The following SECISBP2L variants were observed in gnomAD, a reference collection of about 807,000 sequenced individuals.
SECISBP2L encodes selenocysteine insertion sequence-binding protein 2-like.
In SECISBP2L, 43 loss-of-function variants were observed where a neutral mutation model predicts 114.7. That is an observed-to-expected ratio of 0.38 (90% CI 0.29 to 0.48). SECISBP2L has a LOEUF of 0.48. Among genes scored for constraint, SECISBP2L ranks in the 20% least tolerant of loss-of-function variants. The pLI, the probability that SECISBP2L is intolerant of heterozygous loss-of-function variation, is 0.98. For synonymous variants in SECISBP2L, 451 were observed against 439.7 expected (o/e 1.03, Z -0.32); for missense variants, 1,136 against 1,301.1 (o/e 0.87, Z 1.95).
intron 13 of SECISBP2L, among the ~76,000 whole-genome samples, 185 bp from the exon 14 acceptor site, chr15:49,009,563 T>G (rs1343939913): frequency 6.6e-6 from 1 of 152,230 alleles, no homozygotes; most frequent in South Asian, 2.1e-4. Flanking sequence ...AAAATTAAAT[T>G]CTCCTATTGT....
Position 49,027,382 on chromosome 15 carries a change from G to T in SECISBP2L, c.1018C>A (p.Gln340Lys). The stretch of plus-strand genomic sequence containing the variant: ...CGAATTACCTGTGAATTATTTCTTT[G>T]TTCAGTTTGCCTTCCACCTCTAGAA... Reference protein sequence around the residue: ...TFSRGGRQTEQRNNSQVGFRC... With the variant: ...TFSRGGRQTEKRNNSQVGFRC... The change falls in exon 7 of 18, where the codon CAA becomes AAA. Residue 340 changes from glutamine to lysine, a missense_variant. By Grantham distance (53) the Gln-to-Lys change is moderately conservative. Transcript: ENST00000559471. The T allele has an allele frequency of 6.2e-7, 1 of 1,609,054 alleles. No individual in the cohort carries two copies. The highest frequency in any genetic ancestry group is 8.5e-7 in the Non-Finnish European group (1 of 1,176,794).
chr15:49,045,186 A>T (rs933742541), intron 1 of SECISBP2L, among the ~76,000 whole-genome samples: 16 of 151,700 alleles, frequency 1.1e-4, no homozygotes, highest in Admixed American at 2.0e-4. Context: ...CTTTTTTTTA[A>T]AAAAAAAAGT....
Position 48,996,360 on chromosome 15 carries a change from A to G in SECISBP2L, c.2623+7T>C. On this transcript the variant is annotated splice_region_variant and intron_variant, in intron 17 of 17. Transcript: ENST00000559471. The stretch of plus-strand genomic sequence containing the variant: ...TAAGTCATTTAAAATAGTATTCAAC[A>G]ACTTACCATATTCCTTTTCATTTAC... The G allele has an allele frequency of 1.2e-6, 2 of 1,610,898 alleles. No individual in the cohort carries two copies. The highest frequency in any genetic ancestry group is 1.7e-6 in the Non-Finnish European group (2 of 1,177,364).
At chr15:49,042,795 C>T (rs966057107) in intron 1 of SECISBP2L, among the ~76,000 whole-genome samples, 33 of 152,052 alleles carry the variant, frequency 2.2e-4, no homozygotes, top group African/African-American at 3.4e-4. Context: ...TTTGGGAGGC[C>T]GACGTGGGTG....
In SECISBP2L at chr15:48,991,679, C is replaced by G. The variant is rs1442055020; in HGVS notation, c.*565G>C. On this transcript the variant is annotated 3_prime_UTR_variant, in exon 18 of 18. Transcript: ENST00000559471. ...TTTTGAAGGCTCTGTTTTAGCCCAT[C>G]CCAACACTAATTAATTACAATAATC... The G allele has an allele frequency of 1.3e-5, 2 of 152,590 alleles. No homozygotes were observed. Among genetic ancestry groups the G allele is most frequent in the Non-Finnish European group, 2.9e-5 (2 of 68,278 alleles). 9.5% of individuals were successfully genotyped at this position (152,590 alleles called of 1,614,324 possible). A position where few individuals can be genotyped will look rare whatever the true frequency, so the allele number is the denominator to read the frequency against.
chr15:49,009,706 C>G (rs1188118873), intron 13 of SECISBP2L, among the ~76,000 whole-genome samples: 1 of 151,630 alleles, frequency 6.6e-6, no homozygotes, highest in South Asian at 2.1e-4. Flanking sequence ...AGACTTCCAT[C>G]TCTTTAAAAA....
chr15:49,044,151 C>G (rs1030720046), intron 1 of SECISBP2L, among the ~76,000 whole-genome samples: 1 of 151,904 alleles, frequency 6.6e-6, no homozygotes, highest in Non-Finnish European at 1.5e-5. Flanking sequence ...TATGTCAACA[C>G]TGGTCTAAAG....
rs777088259 is a variant in SECISBP2L at position 49,037,611 on chromosome 15, C to A, written c.183G>T (p.Val61=). ...ATTACCTATTGGACTGGTTTTCCTGCACAAATGGGTAACAAGTAATCAGGT... is the reference window on the plus strand; with the variant it reads ...ATTACCTATTGGACTGGTTTTCCTGAACAAATGGGTAACAAGTAATCAGGT... ...PSYLITCYPF[V]QENQSNRQFP... The change falls in exon 2 of 18, where the codon GTG becomes GTT. Residue 61 remains valine (V), a synonymous_variant. Coordinates refer to ENST00000559471, the MANE Select transcript of SECISBP2L (RefSeq NM_001193489.2). 6 of 1,613,376 alleles carry A rather than the reference C, an allele frequency of 3.7e-6. No individual in the cohort carries two copies. Among genetic ancestry groups the A allele is most frequent in the African/African-American group, 1.3e-5 (1 of 74,902 alleles).
In SECISBP2L at chr15:49,017,622, C is replaced by T. The variant is rs1227193438; in HGVS notation, c.1177G>A (p.Asp393Asn). 1 of 1,605,570 alleles carries T rather than the reference C, an allele frequency of 6.2e-7. No individual in the cohort carries two copies. The highest frequency in any genetic ancestry group is 1.7e-5 in the Admixed American group (1 of 58,602). Residue 393 changes from aspartate (D) to asparagine (N), a missense_variant, in exon 9 of 18, where the codon GAT (aspartate) becomes AAT (asparagine). Around this residue, in one of 2 missense-constraint regions of SECISBP2L, gnomAD observed 684 missense variants for 848.7 expected, o/e 0.81. Transcript: ENST00000559471. Reference sequence around the variant, plus strand: ...TTCTCATTTAGTTCTTGAAACCCATCTTCATCCTGAAATGTTTCACATTTT... The same window carrying T: ...TTCTCATTTAGTTCTTGAAACCCATTTTCATCCTGAAATGTTTCACATTTT... ...NSESLYFEDE[D>N]GFQELNENGN...
At chr15:48,996,056 A>C in intron 17 of SECISBP2L, 1 of 273,028 alleles carries the variant, frequency 3.7e-6, no homozygotes, top group South Asian at 4.7e-5. Context: ...AACTGAGCAT[A>C]AAGTATTGGA....
At chr15:49,000,795 A>C (rs1595782461) in intron 15 of SECISBP2L, 82 bp downstream of exon 15, 1 of 1,135,878 alleles carries the variant, frequency 8.8e-7, no homozygotes, top group East Asian at 2.4e-5. Context: ...TCTGATGAGA[A>C]AGACATATGG....
intron 1 of SECISBP2L, among the ~76,000 whole-genome samples, chr15:49,038,065 AGTT>A (rs1291808408): frequency 1.3e-5 from 2 of 152,192 alleles, no homozygotes; most frequent in African/African-American, 2.4e-5. Flanking sequence ...CTAAAAATAA[AGTT>A]GGTAGTAAGA....
chr15:49,035,726 C>G (rs1252554849), intron 2 of SECISBP2L, 68 bp from the exon 3 acceptor site: 2 of 1,398,146 alleles, frequency 1.4e-6, no homozygotes, highest in East Asian at 2.3e-5. Flanking sequence ...AGCAAAATCT[C>G]TTAACTTACA....
chr15:49,024,061 C>T (rs771950206), intron 7 of SECISBP2L, among the ~76,000 whole-genome samples: 1 of 151,890 alleles, frequency 6.6e-6, no homozygotes, highest in Non-Finnish European at 1.5e-5. Flanking sequence ...TAAAATTAGA[C>T]CTATACCAGA....
At chr15:49,018,784 T>C (rs924907155) in intron 8 of SECISBP2L, among the ~76,000 whole-genome samples, 4 of 152,160 alleles carry the variant, frequency 2.6e-5, no homozygotes, top group Admixed American at 6.5e-5. Context: ...CAAAGTGACC[T>C]GTCTCTGCGC....
intron 17 of SECISBP2L, 111 bp downstream of exon 17, chr15:48,996,256 C>T (rs912968027): frequency 1.0e-5 from 11 of 1,076,436 alleles, no homozygotes; most frequent in African/African-American, 3.2e-5. Flanking sequence ...AACCAAATTT[C>T]GAGCAACATT....
At chr15:49,000,741 T>C (rs1463686269) in intron 15 of SECISBP2L, 136 bp downstream of exon 15, 2 of 651,626 alleles carry the variant, frequency 3.1e-6, no homozygotes, top group Non-Finnish European at 5.1e-6. Flanking sequence ...ATTGAAAGAC[T>C]GCATTTTCTT....
At chr15:49,010,506 G>A (rs1202063701) in intron 13 of SECISBP2L, among the ~76,000 whole-genome samples, 1 of 150,394 alleles carries the variant, frequency 6.6e-6, no homozygotes. Context: ...GTTTTTTTTT[G>A]GTTTTTTTGT....
intron 13 of SECISBP2L, among the ~76,000 whole-genome samples, chr15:49,010,548 T>G (rs1194134925): frequency 6.6e-6 from 1 of 152,180 alleles, no homozygotes; most frequent in East Asian, 1.9e-4. Flanking sequence ...TCTCACTTTG[T>G]CATCCGGGCT....
Sources: gnomAD v4.1 joint callset for allele counts (sites outside exome capture counted in the v4.1 genomes callset) on GRCh38, gnomAD v4.1.1 for gene constraint, gnomAD v4.1.1 regional missense constraint, MANE v1.5 for transcripts, NCBI Gene and HGNC (gene_info 2026-07-23, HGNC 2026-07-21) for gene names.